MRGPRX3: variants seen among roughly 807,000 people sequenced by gnomAD.
MRGPRX3 encodes the protein MAS related GPR family member X3.
MRGPRX3 carries 14 observed loss-of-function variants against 16.5 expected under a neutral mutation model. The ratio of observed to expected loss-of-function variants is 0.85; its 90% CI spans 0.56 to 1.33. The LOEUF (loss-of-function observed/expected upper bound fraction) is 1.33. Among genes scored for constraint, MRGPRX3 ranks in the 40% most tolerant of loss-of-function variants. MRGPRX3 has a pLI of 0.00. For synonymous variants in MRGPRX3, 199 were observed against 180.1 expected (o/e 1.10, Z -0.84); for missense variants, 449 against 413.0 (o/e 1.09, Z -0.76).
upstream of MRGPRX3, among the ~76,000 whole-genome samples, chr11:18,130,939 C>T (rs1040669136): frequency 1.3e-5 from 2 of 152,062 alleles, no homozygotes; most frequent in Non-Finnish European, 2.9e-5. Flanking sequence ...GGGGAAAAGA[C>T]ATTCTAGTTA....
intron 1 of MRGPRX3, among the ~76,000 whole-genome samples, chr11:18,125,096 T>C (rs1293201797): frequency 1.3e-5 from 2 of 152,150 alleles, no homozygotes; most frequent in African/African-American, 4.8e-5. Flanking sequence ...TTTATTAGTC[T>C]TGCTAGCGGT....
At chr11:18,126,570 C>A (rs956569242) in intron 1 of MRGPRX3, among the ~76,000 whole-genome samples, 5 of 151,974 alleles carry the variant, frequency 3.3e-5, no homozygotes, top group African/African-American at 1.2e-4. Context: ...TATACAGGTA[C>A]CATGATGGTG....
At chr11:18,135,043 G>A (rs1451461655) in intron 1 of MRGPRX3, among the ~76,000 whole-genome samples, 1 of 152,128 alleles carries the variant, frequency 6.6e-6, no homozygotes, top group Non-Finnish European at 1.5e-5. Context: ...ATAAATGGTG[G>A]GGCAGAGAAC....
chr11:18,137,409 C>T lies in MRGPRX3; in HGVS notation c.207C>T (p.Val69=), dbSNP rs776713144. The T allele has an allele frequency of 5.6e-6, 9 of 1,614,184 alleles. No individual in the cohort carries two copies. The highest frequency in any genetic ancestry group is 2.2e-5 in the East Asian group (1 of 44,884). The change falls in exon 2 of 2, where the codon GTC becomes GTT. Residue 69 remains valine (V), a synonymous_variant. Coordinates refer to ENST00000621697, the MANE Select transcript of MRGPRX3 (RefSeq NM_001370464.1). ...NAVSIYILNL[V]AADFLFLSGH... ...TCTCCATCTACATCCTCAACCTGGT[C>T]GCGGCCGACTTCCTCTTCCTTAGCG...
At chr11:18,126,892 T>A (rs1417828038) in intron 1 of MRGPRX3, among the ~76,000 whole-genome samples, 2 of 152,234 alleles carry the variant, frequency 1.3e-5, no homozygotes, top group Non-Finnish European at 1.5e-5. Flanking sequence ...AGTCTATCAT[T>A]GTTGGACATT....
chr11:18,125,702 G>A (rs540664592), intron 1 of MRGPRX3, among the ~76,000 whole-genome samples: 6 of 152,272 alleles, frequency 3.9e-5, no homozygotes, highest in African/African-American at 1.4e-4. Flanking sequence ...TGTCTATTAG[G>A]TCCGCTTGGT....
intron 1 of MRGPRX3, among the ~76,000 whole-genome samples, chr11:18,122,292 T>C (rs915431131): frequency 2.6e-5 from 4 of 152,208 alleles, no homozygotes; most frequent in Non-Finnish European, 5.9e-5. Context: ...CATGCTGGTT[T>C]GCTGCACTCA....
upstream of MRGPRX3, among the ~76,000 whole-genome samples, chr11:18,129,315 G>A (rs1456198263): frequency 6.6e-6 from 1 of 152,172 alleles, no homozygotes; most frequent in Non-Finnish European, 1.5e-5. Context: ...AAAGAACAGA[G>A]AAGATTCAAA....
intron 1 of MRGPRX3, among the ~76,000 whole-genome samples, chr11:18,125,787 G>T (rs1848888814): frequency 6.6e-6 from 1 of 152,124 alleles, no homozygotes; most frequent in Admixed American, 6.6e-5. Context: ...TGACAGTGGG[G>T]TATTAAAGTC....
In MRGPRX3 at chr11:18,127,436, A is replaced by G. The variant is rs537118458; in HGVS notation, c.-151-5178A>G. 1.9e-3 allele frequency among the ~76,000 whole-genome samples: 293 copies of G among 152,322 alleles called. 1 individual carries two copies. Among genetic ancestry groups the G allele is most frequent in the African/African-American group, 6.8e-3 (284 of 41,572 alleles). On this transcript the variant is annotated intron_variant, in intron 1 of 2. Transcript: ENST00000396275. ...TCAGACGTAGATTTGGTCTTTTTAC[A>G]TAGTCCCATATTTCTTGGAGGCTTT...
At position 18,138,137 on chromosome 11, in the gene MRGPRX3, C is replaced by T. The variant is rs768529402; in HGVS notation, c.935C>T (p.Thr312Ile). ...DEGGGWLPQE[T>I]LELSGSRLEQ The stretch of plus-strand genomic sequence containing the variant: ...GGTGGAGGGTGGCTTCCTCAGGAAA[C>T]CCTGGAGCTGTCGGGAAGCAGATTG... The change falls in exon 2 of 2, where the codon ACC (threonine) becomes ATC (isoleucine). Residue 312 changes from threonine (T) to isoleucine (I), a missense_variant. Thr to Ile is a moderately conservative substitution (Grantham distance 89, BLOSUM62 -1). Coordinates refer to ENST00000621697, the MANE Select transcript of MRGPRX3 (RefSeq NM_001370464.1). 50 of 1,613,262 alleles carry T rather than the reference C, an allele frequency of 3.1e-5. No homozygotes were observed. Among genetic ancestry groups the T allele is most frequent in the African/African-American group, 1.9e-4 (14 of 74,962 alleles).
chr11:18,137,048 A>G (rs1244684470), intron 1 of MRGPRX3, 130 bp from the exon 2 acceptor site: 3 of 994,130 alleles, frequency 3.0e-6, no homozygotes, highest in Non-Finnish European at 4.5e-6. Context: ...CCACCTTTTG[A>G]TAGGTGACTT....
intron 1 of MRGPRX3, among the ~76,000 whole-genome samples, chr11:18,122,814 G>C (rs1264904675): frequency 6.6e-6 from 1 of 152,198 alleles, no homozygotes; most frequent in Non-Finnish European, 1.5e-5. Context: ...CAGTGTAAAA[G>C]CTTTCCTGTT....
At chr11:18,136,907 A>G (rs4998968) in intron 1 of MRGPRX3, among the ~76,000 whole-genome samples, 7,700 of 152,090 alleles carry the variant, frequency 0.051, 647 homozygotes, top group African/African-American at 0.18. Flanking sequence ...GGTCCACAGC[A>G]CTGGCTAGAT....
upstream of MRGPRX3, among the ~76,000 whole-genome samples, chr11:18,131,599 C>T (rs550222804): frequency 1.3e-4 from 20 of 152,078 alleles, no homozygotes; most frequent in South Asian, 2.1e-4. Flanking sequence ...TGTAAACTTG[C>T]GCAACCACTA....
At chr11:18,128,164 G>A (rs61884076), upstream of MRGPRX3, among the ~76,000 whole-genome samples, 21,850 of 152,214 alleles carry the variant, frequency 0.14, 1,705 homozygotes, top group Middle Eastern at 0.26. Context: ...GGCCATGTGA[G>A]GTGTCAGTCT....
intron 1 of MRGPRX3, 79 bp from the exon 2 acceptor site, chr11:18,137,099 C>T: frequency 2.9e-6 from 4 of 1,381,298 alleles, no homozygotes; most frequent in Non-Finnish European, 4.0e-6. Flanking sequence ...TAAATGAGGA[C>T]AGTAAATCCC....
intron 1 of MRGPRX3, among the ~76,000 whole-genome samples, chr11:18,122,188 C>T (rs1848847235): frequency 2.0e-5 from 3 of 152,004 alleles, no homozygotes; most frequent in African/African-American, 4.8e-5. Flanking sequence ...AACATTCCTT[C>T]AAACCTTGCT....
At position 18,133,626 on chromosome 11, in the gene MRGPRX3, C is replaced by T. The variant is rs560418965; in HGVS notation, c.-26+887C>T. ...TTACTCCTGCTCTCACCATGTGAGA[C>T]GCCTCGCTCCCCCTTTGCCTTTCAC... On this transcript the variant is annotated intron_variant, in intron 1 of 1. Coordinates refer to ENST00000621697, the MANE Select transcript of MRGPRX3 (RefSeq NM_001370464.1). 7.2e-5 allele frequency among the ~76,000 whole-genome samples: 11 copies of T among 152,272 alleles called. No individual in the cohort carries two copies. The South Asian group carries it at 8.3e-4, about 12-fold the overall frequency.
Sources: allele counts gnomAD v4.1 joint callset (sites outside exome capture counted in the v4.1 genomes callset), GRCh38; gene constraint gnomAD v4.1.1; transcripts MANE v1.5; gene names NCBI Gene and HGNC (gene_info 2026-07-23, HGNC 2026-07-21).